The following MYO19 variants were observed in gnomAD, a reference collection of about 807,000 sequenced individuals.
The protein encoded by MYO19 is myosin XIX.
MYO19 carries 132 observed loss-of-function variants against 129.2 expected under a neutral mutation model. The observed-to-expected ratio is 1.02, with a 90% CI of 0.89 to 1.18. The LOEUF is 1.18. Ranked by LOEUF, MYO19 falls within the 50% of genes most tolerant of loss-of-function variation. The pLI is 0.00. For synonymous variants in MYO19, 531 were observed against 477.2 expected (o/e 1.11, Z -1.47); for missense variants, 1,210 against 1,216.7 (o/e 0.99, Z 0.08).
chr17:36,514,633 C>T, intron 8 of MYO19, 85 bp from the exon 9 acceptor site: 1 of 890,842 alleles, frequency 1.1e-6, no homozygotes, highest in South Asian at 1.5e-5. Flanking sequence ...AGATTGCCTG[C>T]TACCTGGCAA....
intron 3 of MYO19, among the ~76,000 whole-genome samples, chr17:36,528,549 G>A (rs2142398865): frequency 6.6e-6 from 1 of 151,964 alleles, no homozygotes; most frequent in East Asian, 1.9e-4. Flanking sequence ...GGCCGCGACA[G>A]CTGGTACTCA....
chr17:36,535,459 A>T (rs901538057), upstream of MYO19: 1 of 152,252 alleles, frequency 6.6e-6, no homozygotes, highest in Non-Finnish European at 1.5e-5. Flanking sequence ...CGGAAGTGCC[A>T]GCTGCCTGCG....
chr17:36,528,344 T>A, intron 3 of MYO19, 142 bp from the exon 4 acceptor site: 1 of 882,778 alleles, frequency 1.1e-6, no homozygotes, highest in Non-Finnish European at 1.7e-6. Flanking sequence ...CCGTCTCTAC[T>A]AAAAAAAATT....
At chr17:36,529,673 C>T (rs1336266983) in intron 3 of MYO19, among the ~76,000 whole-genome samples, 1 of 152,064 alleles carries the variant, frequency 6.6e-6, no homozygotes, top group African/African-American at 2.4e-5. Context: ...CAGAGCACAG[C>T]TATATCTATG....
rs865995108 is a variant in MYO19 at position 36,513,558 on chromosome 17, G to A, written c.818-53C>T. 7.1e-5 allele frequency: 114 copies of A among 1,613,750 alleles called. No homozygotes were observed. In the Middle Eastern group the frequency reaches 1.2e-3, roughly 16 times the overall value. The stretch of plus-strand genomic sequence containing the variant: ...AGGTCAGCAGCAGCAAGATGCGAGG[G>A]AGGCAGGCTCTGTACAGAGTGGGTG... On this transcript the variant is annotated intron_variant, in intron 10 of 25. Transcript: ENST00000614623.
Position 36,506,515 on chromosome 17 carries a change from G to A in MYO19, c.1738C>T (p.Gln580Ter). The A allele has an allele frequency of 6.2e-7, 1 of 1,606,724 alleles. No individual in the cohort carries two copies. The highest frequency in any genetic ancestry group is 1.7e-5 in the Admixed American group (1 of 58,010). The change falls in exon 18 of 26, where the codon CAG becomes TAG. Residue 580 changes from glutamine (Q) to a stop codon, truncating the protein, a stop_gained. Transcript: ENST00000614623. LOFTEE classifies it high-confidence loss of function. The part of the protein sequence containing the change: ...LFPTNPKEKT[Q>*]EEPPGQSRAP... ...CTGCTCTGGCCAGGGGGTTCCTCCTGGGTCTTCTCTTTGGGGTTAGTAGGA... is the reference window on the plus strand; with the variant it reads ...CTGCTCTGGCCAGGGGGTTCCTCCTAGGTCTTCTCTTTGGGGTTAGTAGGA...
chr17:36,517,562 T>C (rs2142145503), intron 6 of MYO19, among the ~76,000 whole-genome samples: 1 of 152,280 alleles, frequency 6.6e-6, no homozygotes, highest in Non-Finnish European at 1.5e-5. Flanking sequence ...CCCAGTGAGT[T>C]ATCATTTTAT....
chr17:36,498,141 G>T, intron 25 of MYO19, 125 bp downstream of exon 25: 1 of 1,064,468 alleles, frequency 9.4e-7, no homozygotes, highest in Non-Finnish European at 1.3e-6. Flanking sequence ...CAGCCCTCTG[G>T]TTTACCCAGT....
upstream of MYO19, chr17:36,537,126 G>C: frequency 3.8e-6 from 6 of 1,597,894 alleles, no homozygotes; most frequent in Non-Finnish European, 5.1e-6. Context: ...GATGAAGGAA[G>C]CTTTTGTCAG....
chr17:36,501,532 G>A lies in MYO19; in HGVS notation c.2081-297C>T, dbSNP rs1446213432. ...TTGGGCAGGCTGGCAGAGGGTGCTTGACACCTGGAAGGGTGACTCCTTCCA... is the reference window on the plus strand; with the variant it reads ...TTGGGCAGGCTGGCAGAGGGTGCTTAACACCTGGAAGGGTGACTCCTTCCA... On this transcript the variant is annotated intron_variant, in intron 21 of 25. Coordinates refer to ENST00000614623, the MANE Select transcript of MYO19 (RefSeq NM_001163735.2). 1.4e-5 allele frequency: 4 copies of A among 289,796 alleles called. No homozygotes were observed. The East Asian group carries it at 1.8e-4, about 13-fold the overall frequency. The allele number at this position is 289,796 out of a possible 1,614,324, so 18.0% of individuals were successfully genotyped here.
intron 5 of MYO19, 49 bp downstream of exon 5, chr17:36,527,502 A>G: frequency 6.3e-7 from 1 of 1,587,570 alleles, no homozygotes; most frequent in South Asian, 1.1e-5. Flanking sequence ...AAAGAGGTTT[A>G]GCGGGAGGTA....
intron 6 of MYO19, among the ~76,000 whole-genome samples, chr17:36,524,797 T>C (rs187405971): frequency 6.6e-6 from 1 of 152,336 alleles, no homozygotes; most frequent in Non-Finnish European, 1.5e-5. Flanking sequence ...AGAAGTCCTA[T>C]GAGTCAGGTG....
chr17:36,503,877 G>C (rs996043350), intron 20 of MYO19, 73 bp downstream of exon 20: 2 of 1,272,014 alleles, frequency 1.6e-6, no homozygotes, highest in Admixed American at 6.5e-5. Context: ...GGTTGGGCAG[G>C]CTCTTGCCCA....
upstream of MYO19, among the ~76,000 whole-genome samples, chr17:36,544,535 G>A (rs980972887): frequency 6.6e-6 from 1 of 152,190 alleles, no homozygotes; most frequent in Non-Finnish European, 1.5e-5. Flanking sequence ...CCCTGAGTCA[G>A]CCCCGAATCA....
intron 19 of MYO19, 140 bp downstream of exon 19, chr17:36,505,156 TG>T (rs1451478193): frequency 1.2e-6 from 1 of 813,816 alleles, no homozygotes. Context: ...GCAAGGGAGA[TG>T]GGTCCTCTCT....
upstream of MYO19, among the ~76,000 whole-genome samples, chr17:36,544,643 G>T (rs956480277): frequency 6.6e-6 from 1 of 152,186 alleles, no homozygotes; most frequent in Admixed American, 6.5e-5. Context: ...CCCCTCGTCC[G>T]TGGGGAAGCC....
intron 13 of MYO19, among the ~76,000 whole-genome samples, chr17:36,510,361 G>A (rs1293210941): frequency 6.6e-6 from 1 of 152,228 alleles, no homozygotes; most frequent in Admixed American, 6.5e-5. Context: ...CAGGGAGACA[G>A]AGAGGCCCAT....
chr17:36,531,009 C>T lies in MYO19; in HGVS notation c.12+1518G>A, dbSNP rs192844334. 1.8e-3 allele frequency among the ~76,000 whole-genome samples: 274 copies of T among 151,720 alleles called. 1 individual carries two copies. Among genetic ancestry groups the T allele is most frequent in the African/African-American group, 6.4e-3 (264 of 41,350 alleles). On this transcript the variant is annotated intron_variant, in intron 3 of 25. Coordinates refer to ENST00000614623, the MANE Select transcript of MYO19 (RefSeq NM_001163735.2). ...AAGCACTTTGGGAGGCTGAGGCAGA[C>T]GGATCACTTGAGGTCAGGAGTTTGA...
chr17:36,498,309 G>A lies in MYO19; in HGVS notation c.2714C>T (p.Ala905Val), dbSNP rs574775346. 6.2e-7 allele frequency: 1 copy of A among 1,613,908 alleles called. No homozygotes were observed. The highest frequency in any genetic ancestry group is 2.2e-5 in the East Asian group (1 of 44,882). The change falls in exon 25 of 26, where the codon GCA becomes GTA. Residue 905 changes from alanine to valine, a missense_variant. Transcript: ENST00000614623. ...GGACGTGACACCAGCCTGGTCTTGT[G>A]CTGTCTGGACAGTGTAGCTACTGGG... ...GSPSSYTVQT[A>V]QDQAGVTSIR...
Sources: allele counts gnomAD v4.1 joint callset (sites outside exome capture counted in the v4.1 genomes callset), GRCh38; gene constraint gnomAD v4.1.1; transcripts MANE v1.5; gene names NCBI Gene and HGNC (gene_info 2026-07-23, HGNC 2026-07-21).